Variants in NEIL2 observed in about 807,000 individuals in gnomAD.
NEIL2 encodes nei like DNA glycosylase 2.
Under a neutral mutation model 22.2 loss-of-function variants are expected in NEIL2, and 23 were observed. That is an observed-to-expected ratio of 1.04 (90% CI 0.75 to 1.47). The LOEUF (loss-of-function observed/expected upper bound fraction) is 1.47. Among genes scored for constraint, NEIL2 ranks in the 40% most tolerant of loss-of-function variants. The pLI is 0.00. For synonymous variants in NEIL2, 229 were observed against 164.8 expected (o/e 1.39, Z -2.99); for missense variants, 583 against 404.7 (o/e 1.44, Z -3.78).
rs956245874 is a variant in NEIL2 at position 11,772,144 on chromosome 8, A to G, written c.138+559A>G. 3.2e-4 allele frequency among the ~76,000 whole-genome samples: 49 copies of G among 152,266 alleles called. 1 individual carries two copies. The highest frequency in any genetic ancestry group is 1.1e-3 in the African/African-American group (47 of 41,548). On this transcript the variant is annotated intron_variant, in intron 2 of 4. Transcript: ENST00000284503. ...CTTGAACCCGGGAGGCCGAGATTGC[A>G]GTGAGATGAGATTGTGCTACTGCAC... is the stretch of plus-strand genomic sequence containing the variant.
In NEIL2 at chr8:11,771,115, G is replaced by A. The variant is rs1803396823; in HGVS notation, c.-2-331G>A. Among the ~76,000 whole-genome samples, 5 of 152,278 alleles carry A rather than the reference G, an allele frequency of 3.3e-5. No individual in the cohort carries two copies. The South Asian group carries it at 1.0e-3, about 32-fold the overall frequency. ...CACAGTCCAGGCAAAAAGTAACAAA[G>A]GCCAGCTCCTGGTGTGGCAGGTGCC... On this transcript the variant is annotated intron_variant, in intron 1 of 4. Coordinates refer to ENST00000284503, the MANE Select transcript of NEIL2 (RefSeq NM_145043.4).
chr8:11,784,187 G>A (rs1007080619), intron 4 of NEIL2, among the ~76,000 whole-genome samples: 2 of 152,316 alleles, frequency 1.3e-5, no homozygotes, highest in East Asian at 3.9e-4. Flanking sequence ...GAGGCCAGGT[G>A]GTACAGCAGG....
intron 2 of NEIL2, among the ~76,000 whole-genome samples, chr8:11,773,333 A>C (rs1188554204): frequency 1.3e-5 from 2 of 152,154 alleles, no homozygotes; most frequent in African/African-American, 2.4e-5. Context: ...AGGGAACCTA[A>C]GGTTGCAGGG....
chr8:11,775,312 C>T (rs1022355401), intron 2 of NEIL2, among the ~76,000 whole-genome samples: 6 of 124,978 alleles, frequency 4.8e-5, no homozygotes, highest in African/African-American at 1.5e-4. Context: ...GGGCTTGTAC[C>T]CTCTGAAGCA....
At position 11,779,771 on chromosome 8, in the gene NEIL2, T is replaced by G; in HGVS notation, c.312T>G (p.Ser104=). ...GQKTLDGSSR[S]AELVPQGEDD... ...AGACCCTTGATGGATCCTCACGGTC[T>G]GCAGAGCTCGTCCCCCAGGGCGAGG... Residue 104 remains serine (S), a synonymous_variant, in exon 3 of 5, where the codon TCT becomes TCG. Transcript: ENST00000284503. The G allele has an allele frequency of 6.2e-7, 1 of 1,614,216 alleles. No individual in the cohort carries two copies. Among genetic ancestry groups the G allele is most frequent in the Non-Finnish European group, 8.5e-7 (1 of 1,180,040 alleles).
chr8:11,777,159 T>C (rs1803976931), intron 2 of NEIL2, among the ~76,000 whole-genome samples: 1 of 141,812 alleles, frequency 7.1e-6, no homozygotes, highest in South Asian at 2.2e-4. Flanking sequence ...ACACTTTTCT[T>C]TTCTTTTTTT....
rs183383338 is a variant in NEIL2 at position 11,784,226 on chromosome 8, C to G, written c.688+827C>G. Among the ~76,000 whole-genome samples, 155 of 152,264 alleles carry G rather than the reference C, an allele frequency of 1.0e-3. 1 individual carries two copies. The highest frequency in any genetic ancestry group is 3.5e-3 in the African/African-American group (146 of 41,534). On this transcript the variant is annotated intron_variant, in intron 4 of 4. Coordinates refer to ENST00000284503, the MANE Select transcript of NEIL2 (RefSeq NM_145043.4). ...TTGCCTTGCATTTTCATGTTAGGACCATGGGAGTCCCTGTGCACTCAGGAG... is the reference window on the plus strand; with the variant it reads ...TTGCCTTGCATTTTCATGTTAGGACGATGGGAGTCCCTGTGCACTCAGGAG...
Position 11,786,528 on chromosome 8 carries a change from G to T in NEIL2, c.*255G>T. The T allele has an allele frequency of 1.8e-6, 1 of 544,328 alleles. No individual in the cohort carries two copies. Among genetic ancestry groups the T allele is most frequent in the Non-Finnish European group, 3.3e-6 (1 of 303,138 alleles). 33.7% of individuals were successfully genotyped at this position (544,328 alleles called of 1,614,324 possible). Reference sequence around the variant, plus strand: ...CGTGAAAGATGGGAAAAATCGTGATGATGGGTAAGGGGAAAACTTCCCGGA... The same window carrying T: ...CGTGAAAGATGGGAAAAATCGTGATTATGGGTAAGGGGAAAACTTCCCGGA... On this transcript the variant is annotated 3_prime_UTR_variant, in exon 5 of 5. Transcript: ENST00000284503.
chr8:11,781,125 T>C (rs1406196093), intron 3 of NEIL2, among the ~76,000 whole-genome samples: 1 of 152,088 alleles, frequency 6.6e-6, no homozygotes, highest in Non-Finnish European at 1.5e-5. Context: ...GCCTTCTATT[T>C]TCTGAAGTTT....
At chr8:11,778,287 T>TCAA in intron 2 of NEIL2, among the ~76,000 whole-genome samples, 1 of 92,048 alleles carries the variant, frequency 1.1e-5, no homozygotes, top group Non-Finnish European at 2.0e-5. Flanking sequence ...AAATCCTTGC[T>TCAA]CAGTTTTTTT....
At chr8:11,781,224 T>C (rs1163029990) in intron 3 of NEIL2, among the ~76,000 whole-genome samples, 1 of 152,146 alleles carries the variant, frequency 6.6e-6, no homozygotes, top group Non-Finnish European at 1.5e-5. Context: ...TAAAAATAAC[T>C]CGGAGTAGCT....
intron 1 of NEIL2, among the ~76,000 whole-genome samples, chr8:11,770,948 C>T (rs534732223): frequency 3.4e-4 from 52 of 152,290 alleles, no homozygotes; most frequent in African/African-American, 1.2e-3. Context: ...GCACACCTCC[C>T]CCACGCTAGT....
chr8:11,777,882 C>A (rs531813856), intron 2 of NEIL2, among the ~76,000 whole-genome samples: 88 of 152,336 alleles, frequency 5.8e-4, no homozygotes, highest in African/African-American at 1.9e-3. Context: ...ATTCAGGAGG[C>A]CAGAGCTCTA....
intron 2 of NEIL2, among the ~76,000 whole-genome samples, chr8:11,773,335 G>A (rs1803635031): frequency 6.6e-6 from 1 of 152,132 alleles, no homozygotes; most frequent in Non-Finnish European, 1.5e-5. Flanking sequence ...GGAACCTAAG[G>A]TTGCAGGGAA....
intron 2 of NEIL2, 123 bp from the exon 3 acceptor site, chr8:11,779,475 T>A (rs1804200513): frequency 1.2e-6 from 1 of 835,544 alleles, no homozygotes; most frequent in African/African-American, 1.7e-5. Flanking sequence ...GTCCAAAGAC[T>A]TCATTTGGGA....
At chr8:11,778,725 G>A (rs1170478834) in intron 2 of NEIL2, among the ~76,000 whole-genome samples, 1 of 152,030 alleles carries the variant, frequency 6.6e-6, no homozygotes, top group Non-Finnish European at 1.5e-5. Context: ...GCCAAGACGG[G>A]CAGATCGCTT....
intron 1 of NEIL2, among the ~76,000 whole-genome samples, chr8:11,770,563 C>A (rs1191512121): frequency 6.6e-6 from 1 of 152,200 alleles, no homozygotes; most frequent in Non-Finnish European, 1.5e-5. Flanking sequence ...TTTTTAGAAT[C>A]ACTGAAATAT....
Position 11,771,522 on chromosome 8 carries a change from A to T in NEIL2, c.75A>T (p.Thr25=), listed in dbSNP as rs760186890. The stretch of plus-strand genomic sequence containing the variant: ...TTGTGGGTCAGCAGGTGGTCAAGAC[A>T]GGGGGCAGCAGTAAGAAGCTACAGC... ...SPFVGQQVVK[T]GGSSKKLQPA... Residue 25 remains threonine (T), a synonymous_variant, in exon 2 of 5, where the codon ACA becomes ACT. Transcript: ENST00000284503. 19 of 1,613,682 alleles carry T rather than the reference A, an allele frequency of 1.2e-5. No individual in the cohort carries two copies. Among genetic ancestry groups the T allele is most frequent in the Non-Finnish European group, 1.5e-5 (18 of 1,179,844 alleles).
intron 2 of NEIL2, among the ~76,000 whole-genome samples, chr8:11,778,570 C>A (rs1804108673): frequency 6.6e-6 from 1 of 152,108 alleles, no homozygotes; most frequent in African/African-American, 2.4e-5. Flanking sequence ...CCTTGAAAGA[C>A]TGCCTGAATT....
Sources: gnomAD v4.1 joint callset for allele counts (sites outside exome capture counted in the v4.1 genomes callset) on GRCh38, gnomAD v4.1.1 for gene constraint, MANE v1.5 for transcripts, NCBI Gene and HGNC (gene_info 2026-07-23, HGNC 2026-07-21) for gene names.